The following ADCY2 variants were observed in gnomAD, a reference collection of about 807,000 sequenced individuals.
The protein encoded by ADCY2 is adenylate cyclase type 2.
A neutral mutation model predicts 125.2 loss-of-function variants in ADCY2; 31 were observed. That is an observed-to-expected ratio of 0.25 (90% confidence interval 0.19 to 0.33). ADCY2 has a LOEUF of 0.33. Among genes scored for constraint, ADCY2 ranks in the 10% least tolerant of loss-of-function variants. The pLI is 1.00. For synonymous variants in ADCY2, 512 were observed against 548.4 expected, an observed-to-expected ratio of 0.93 and a Z score of 0.93; for missense variants, 904 against 1,418.2, an observed-to-expected ratio of 0.64 and a Z score of 5.82.
intron 12 of ADCY2, among the ~76,000 whole-genome samples, chr5:7,721,663 C>G (rs755641363): frequency 6.6e-6 from 1 of 152,100 alleles, no homozygotes; most frequent in Non-Finnish European, 1.5e-5. Context: ...AATCCTTTCC[C>G]CATTTCTTGT....
intron 2 of ADCY2, among the ~76,000 whole-genome samples, chr5:7,516,179 G>A (rs1269087199): frequency 6.6e-6 from 1 of 152,140 alleles, no homozygotes; most frequent in East Asian, 1.9e-4. Flanking sequence ...GTCAAAGATG[G>A]TGCACCCATT....
At chr5:7,734,156 T>C (rs1439633270) in intron 14 of ADCY2, among the ~76,000 whole-genome samples, 2 of 152,196 alleles carry the variant, frequency 1.3e-5, no homozygotes, top group Non-Finnish European at 2.9e-5. Context: ...GGAGAGCTGA[T>C]GAGAGGCTTG....
intron 2 of ADCY2, among the ~76,000 whole-genome samples, chr5:7,458,502 G>A (rs569809171): frequency 6.6e-6 from 1 of 151,820 alleles, no homozygotes; most frequent in Non-Finnish European, 1.5e-5. Flanking sequence ...TCCAATATGC[G>A]TTTAGGAAAA....
intron 4 of ADCY2, among the ~76,000 whole-genome samples, chr5:7,663,432 G>A (rs1739605648): frequency 6.6e-6 from 1 of 152,268 alleles, no homozygotes; most frequent in South Asian, 2.1e-4. Context: ...CCTCCCACGG[G>A]GGGGCCTGGA....
chr5:7,480,518 A>G (rs751190757), intron 2 of ADCY2, among the ~76,000 whole-genome samples: 15 of 152,254 alleles, frequency 9.9e-5, no homozygotes, highest in Middle Eastern at 3.4e-3. Context: ...ACCAAATACC[A>G]TAGGTTCTCA....
At chr5:7,508,799 A>G (rs551519049) in intron 2 of ADCY2, among the ~76,000 whole-genome samples, 1 of 152,178 alleles carries the variant, frequency 6.6e-6, no homozygotes, top group Non-Finnish European at 1.5e-5. Flanking sequence ...AGGAAGGGGC[A>G]TTGTGTTTTC....
At chr5:7,428,736 TA>T (rs1393740561) in intron 2 of ADCY2, among the ~76,000 whole-genome samples, 1 of 152,122 alleles carries the variant, frequency 6.6e-6, no homozygotes, top group East Asian at 1.9e-4. Flanking sequence ...CTTGAACAGC[TA>T]AAAAACAGGA....
At chr5:7,603,796 T>G (rs1737306280) in intron 3 of ADCY2, among the ~76,000 whole-genome samples, 1 of 144,322 alleles carries the variant, frequency 6.9e-6, no homozygotes, top group Admixed American at 6.9e-5. Flanking sequence ...TTTTTTTTTT[T>G]TTTTTTTTTT....
At chr5:7,773,438 G>A (rs1743619792) in intron 18 of ADCY2, among the ~76,000 whole-genome samples, 1 of 152,138 alleles carries the variant, frequency 6.6e-6, no homozygotes, top group Non-Finnish European at 1.5e-5. Context: ...GCGCCGTCCT[G>A]TGCGTGGTAG....
At chr5:7,614,492 G>A (rs892138010) in intron 3 of ADCY2, among the ~76,000 whole-genome samples, 22 of 152,170 alleles carry the variant, frequency 1.4e-4, no homozygotes, top group African/African-American at 5.1e-4. Context: ...CCTAATTCCT[G>A]GAGACAGAAT....
chr5:7,684,402 G>T (rs746864451), intron 4 of ADCY2, among the ~76,000 whole-genome samples: 5 of 152,150 alleles, frequency 3.3e-5, no homozygotes, highest in Non-Finnish European at 5.9e-5. Flanking sequence ...CACCTTTTGA[G>T]TGATTCTCAT....
chr5:7,775,972 A>G (rs1391477401), intron 18 of ADCY2, among the ~76,000 whole-genome samples: 3 of 152,160 alleles, frequency 2.0e-5, no homozygotes, highest in Non-Finnish European at 4.4e-5. Flanking sequence ...GAGACCCTTA[A>G]GAGTGGGAAT....
At chr5:7,400,036 T>G (rs897983505) in intron 1 of ADCY2, among the ~76,000 whole-genome samples, 1 of 152,214 alleles carries the variant, frequency 6.6e-6, no homozygotes, top group Non-Finnish European at 1.5e-5. Flanking sequence ...TCTCATTTAT[T>G]ATATCCAAAA....
chr5:7,396,171 T>C lies in ADCY2; in HGVS notation c.-126T>C, dbSNP rs1180874211. ...GAGCTCCGCCCGCGCCGGAGGCCCCTGCGCGCAGCTCCGGGTGCCGGCAGC... is the reference window on the plus strand; with the variant it reads ...GAGCTCCGCCCGCGCCGGAGGCCCCCGCGCGCAGCTCCGGGTGCCGGCAGC... On this transcript the variant is annotated 5_prime_UTR_variant, in exon 1 of 25. Coordinates refer to ENST00000338316, the MANE Select transcript of ADCY2 (RefSeq NM_020546.3). This position sits in a 1 kb window ranked among gnomAD's most constrained non-coding sequence, Gnocchi z 5.7. The C allele has an allele frequency of 6.6e-6, 2 of 302,800 alleles. No homozygotes were observed. The highest frequency in any genetic ancestry group is 9.3e-6 in the Non-Finnish European group (2 of 215,018). 18.8% of individuals were successfully genotyped at this position (302,800 alleles called of 1,614,324 possible).
At chr5:7,712,332 C>A (rs1055250258) in intron 10 of ADCY2, among the ~76,000 whole-genome samples, 1 of 152,200 alleles carries the variant, frequency 6.6e-6, no homozygotes, top group East Asian at 1.9e-4. Context: ...GAACTACCAG[C>A]GCTCCTTTGC....
intron 24 of ADCY2, chr5:7,826,505 T>C: frequency 2.9e-6 from 2 of 683,480 alleles, no homozygotes; most frequent in Non-Finnish European, 5.2e-6. Context: ...TTAGGTTGTT[T>C]CCAGTTTTTC....
intron 3 of ADCY2, among the ~76,000 whole-genome samples, chr5:7,617,165 G>T (rs1415001222): frequency 1.3e-5 from 2 of 152,092 alleles, no homozygotes; most frequent in African/African-American, 4.8e-5. Flanking sequence ...TTCCTCCCCT[G>T]CAGAGGCTGC....
At chr5:7,599,652 C>A (rs1443304448) in intron 3 of ADCY2, among the ~76,000 whole-genome samples, 1 of 152,046 alleles carries the variant, frequency 6.6e-6, no homozygotes, top group Admixed American at 6.6e-5. Flanking sequence ...TTGTATCAAC[C>A]ATGGGAGCCA....
At chr5:7,432,916 A>ACATGTTGTACTGCTTATTGTT (rs1740660540) in intron 2 of ADCY2, among the ~76,000 whole-genome samples, 1 of 18,454 alleles carries the variant, frequency 5.4e-5, no homozygotes, top group Non-Finnish European at 1.3e-4. Flanking sequence ...TGCTTATTGT[A>ACATGTTGTACTGCTTATTGTT]CTGCATGATG....
Sources: gnomAD v4.1 joint callset for allele counts (sites outside exome capture counted in the v4.1 genomes callset) on GRCh38, gnomAD v4.1.1 for gene constraint, Gnocchi (gnomAD v3.1) non-coding constraint, MANE v1.5 for transcripts, NCBI Gene and HGNC (gene_info 2026-07-23, HGNC 2026-07-21) for gene names.